Variants in THSD7B observed in about 807,000 individuals in gnomAD.
THSD7B encodes the protein thrombospondin type 1 domain containing 7B, also known as thrombospondin type-1 domain-containing protein 7B.
A neutral mutation model predicts 213.6 loss-of-function variants in THSD7B; 138 were observed. That is an observed-to-expected ratio of 0.65 (90% CI 0.56 to 0.74). The LOEUF (loss-of-function observed/expected upper bound fraction) is 0.74. Ranked by LOEUF, THSD7B falls within the 30% of genes least tolerant of loss-of-function variation. THSD7B has a pLI of 0.00. For synonymous variants in THSD7B, 742 were observed against 687.0 expected, an observed-to-expected ratio of 1.08 and a Z score of -1.25; for missense variants, 1,931 against 1,991.5, an observed-to-expected ratio of 0.97 and a Z score of 0.58.
rs141795236 is a variant in THSD7B at position 137,059,435 on chromosome 2, G to T, written c.950+2205G>T. On this transcript the variant is annotated intron_variant, in intron 3 of 27. Coordinates refer to ENST00000409968, the MANE Select transcript of THSD7B (RefSeq NM_001316349.2). ...CATCCTTTGTATTGTACATTCTATT[G>T]GTTTGACAAATGAATAATGACATGG... 6.5e-3 allele frequency among the ~76,000 whole-genome samples: 982 copies of T among 152,010 alleles called. 12 individuals carry two copies. Among genetic ancestry groups the T allele is most frequent in the African/African-American group, 0.023 (934 of 41,456 alleles).
At chr2:137,266,525 C>G (rs1416953612) in intron 10 of THSD7B, among the ~76,000 whole-genome samples, 1 of 152,026 alleles carries the variant, frequency 6.6e-6, no homozygotes, top group Non-Finnish European at 1.5e-5. Context: ...GGGTGAGAAC[C>G]AGGAGTTAAA....
intron 2 of THSD7B, among the ~76,000 whole-genome samples, chr2:136,909,892 G>A (rs1385315950): frequency 6.6e-6 from 1 of 152,130 alleles, no homozygotes; most frequent in African/African-American, 2.4e-5. Context: ...CCTTAGGGGT[G>A]AGCACAGATT....
intron 15 of THSD7B, among the ~76,000 whole-genome samples, chr2:137,458,547 G>C (rs1262737931): frequency 6.6e-6 from 1 of 152,050 alleles, no homozygotes; most frequent in African/African-American, 2.4e-5. Context: ...TAATCTGGAC[G>C]CAATAGTTTT....
chr2:137,334,805 T>C (rs1684600079), intron 12 of THSD7B, among the ~76,000 whole-genome samples: 2 of 152,322 alleles, frequency 1.3e-5, no homozygotes, highest in South Asian at 4.1e-4. Context: ...CCTTGGATTG[T>C]AATAATCCCC....
intron 21 of THSD7B, among the ~76,000 whole-genome samples, chr2:137,651,730 T>C (rs1334645558): frequency 6.6e-6 from 1 of 152,094 alleles, no homozygotes; most frequent in Non-Finnish European, 1.5e-5. Flanking sequence ...TTTTGCTGTA[T>C]CTCATAGATT....
At chr2:137,636,565 G>A (rs981477324) in intron 20 of THSD7B, among the ~76,000 whole-genome samples, 4 of 152,104 alleles carry the variant, frequency 2.6e-5, no homozygotes, top group Non-Finnish European at 5.9e-5. Context: ...TCAGAAAAAA[G>A]TCTCATTTAA....
chr2:137,442,096 G>T (rs1350768327), intron 14 of THSD7B, among the ~76,000 whole-genome samples: 2 of 151,992 alleles, frequency 1.3e-5, no homozygotes, highest in African/African-American at 4.8e-5. Context: ...CAAGGAAATT[G>T]AACTATGGAG....
At chr2:137,628,987 A>C (rs946913882) in intron 20 of THSD7B, among the ~76,000 whole-genome samples, 1 of 152,218 alleles carries the variant, frequency 6.6e-6, no homozygotes, top group Non-Finnish European at 1.5e-5. Context: ...TCATGCATGA[A>C]TTGAATCCAT....
chr2:137,361,378 G>A (rs189124667), intron 12 of THSD7B, among the ~76,000 whole-genome samples: 3 of 152,286 alleles, frequency 2.0e-5, no homozygotes, highest in African/African-American at 7.2e-5. Flanking sequence ...GATGAAGAAT[G>A]ACTTTGATGA....
chr2:137,548,927 C>T (rs1405780729), intron 15 of THSD7B, among the ~76,000 whole-genome samples: 1 of 151,914 alleles, frequency 6.6e-6, no homozygotes, highest in East Asian at 1.9e-4. Context: ...TTCTCACCTT[C>T]TTGAATATAT....
chr2:137,007,955 T>C (rs1050056995), intron 2 of THSD7B, among the ~76,000 whole-genome samples: 1 of 152,160 alleles, frequency 6.6e-6, no homozygotes, highest in African/African-American at 2.4e-5. Context: ...TTTATGAACA[T>C]GATTGATACT....
chr2:137,557,768 A>C (rs1681010354), intron 15 of THSD7B, among the ~76,000 whole-genome samples: 2 of 152,228 alleles, frequency 1.3e-5, no homozygotes, highest in South Asian at 4.1e-4. Flanking sequence ...AAAACAATGA[A>C]TCCAGGAGCT....
intron 12 of THSD7B, among the ~76,000 whole-genome samples, chr2:137,289,814 G>T (rs777696829): frequency 6.6e-6 from 1 of 151,974 alleles, no homozygotes; most frequent in Non-Finnish European, 1.5e-5. Context: ...AAAAAAGAGT[G>T]GGGTAAATAT....
chr2:137,170,624 T>C (rs1169747215), intron 6 of THSD7B, 117 bp from the exon 7 acceptor site: 6 of 885,600 alleles, frequency 6.8e-6, no homozygotes, highest in Non-Finnish European at 1.0e-5. Context: ...ATCAAGATAA[T>C]ACGTGCTTAG....
chr2:137,072,868 G>A (rs1687527161), intron 3 of THSD7B, among the ~76,000 whole-genome samples: 1 of 152,098 alleles, frequency 6.6e-6, no homozygotes, highest in African/African-American at 2.4e-5. Context: ...TAACCATGTG[G>A]TTTTTGTCTT....
intron 15 of THSD7B, among the ~76,000 whole-genome samples, chr2:137,552,972 G>A (rs770128080): frequency 1.2e-4 from 19 of 152,146 alleles, no homozygotes; most frequent in Non-Finnish European, 2.8e-4. Flanking sequence ...GGGGATCCTA[G>A]GCCTGATGAG....
At chr2:136,906,092 T>C (rs779675537) in intron 2 of THSD7B, among the ~76,000 whole-genome samples, 5 of 152,252 alleles carry the variant, frequency 3.3e-5, no homozygotes, top group Non-Finnish European at 5.9e-5. Flanking sequence ...CTGCTCACTG[T>C]GATCCCTTTT....
intron 5 of THSD7B, among the ~76,000 whole-genome samples, chr2:137,143,683 T>A (rs1679636456): frequency 6.6e-6 from 1 of 152,128 alleles, no homozygotes; most frequent in Admixed American, 6.6e-5. Flanking sequence ...GCAAGTAAAT[T>A]GAACACGCTG....
At chr2:137,384,642 G>A (rs1685852148) in intron 12 of THSD7B, among the ~76,000 whole-genome samples, 1 of 152,162 alleles carries the variant, frequency 6.6e-6, no homozygotes, top group South Asian at 2.1e-4. Context: ...ATGCTCTACA[G>A]GGGCCCCACT....
Sources: allele counts gnomAD v4.1 joint callset (sites outside exome capture counted in the v4.1 genomes callset), GRCh38; gene constraint gnomAD v4.1.1; transcripts MANE v1.5; gene names NCBI Gene and HGNC (gene_info 2026-07-23, HGNC 2026-07-21).